Variants in PAN3 observed in about 807,000 individuals in gnomAD.
PAN3 encodes poly(A) specific ribonuclease subunit PAN3.
A neutral mutation model predicts 96.2 loss-of-function variants in PAN3; 19 were observed. That is an observed-to-expected ratio of 0.20 (90% CI 0.14 to 0.29). The LOEUF (loss-of-function observed/expected upper bound fraction) is 0.29, where lower values mean the gene tolerates loss of function less well. Among genes scored for constraint, PAN3 ranks in the 10% least tolerant of loss-of-function variants. The pLI is 1.00. For synonymous variants in PAN3, 433 were observed against 406.6 expected (o/e 1.06, Z -0.78); for missense variants, 882 against 1,108.1 (o/e 0.80, Z 2.90).
At chr13:28,285,579 A>T (rs1026306084) in intron 17 of PAN3, among the ~76,000 whole-genome samples, 61 of 152,150 alleles carry the variant, frequency 4.0e-4, no homozygotes, top group African/African-American at 1.3e-3. Context: ...CAGTTCTGGG[A>T]CATGGTCTTC....
chr13:28,141,162 G>A (rs1869752645), intron 1 of PAN3, among the ~76,000 whole-genome samples: 1 of 151,668 alleles, frequency 6.6e-6, no homozygotes, highest in Admixed American at 6.6e-5. Context: ...GCGCCACCAC[G>A]ACCGGCTTAT....
rs185033582 is a variant in PAN3, at chr13:28,229,572, G to A, written c.1000+9194G>A. On this transcript the variant is annotated intron_variant, in intron 6 of 18. Coordinates refer to ENST00000380958, the MANE Select transcript of PAN3 (RefSeq NM_175854.8). ...CTTAGATTTGTTATTCTTTCCACTGGTCTTCTGCTCCAATGAATTAGTTAT... is the reference window on the plus strand; with the variant it reads ...CTTAGATTTGTTATTCTTTCCACTGATCTTCTGCTCCAATGAATTAGTTAT... 2.1e-3 allele frequency among the ~76,000 whole-genome samples: 321 copies of A among 152,164 alleles called. 4 individuals carry two copies. Among genetic ancestry groups the A allele is most frequent in the Non-Finnish European group, 5.6e-4 (38 of 68,004 alleles).
intron 6 of PAN3, among the ~76,000 whole-genome samples, chr13:28,227,149 A>G (rs1882090893): frequency 1.3e-5 from 2 of 152,204 alleles, no homozygotes; most frequent in Admixed American, 6.5e-5. Flanking sequence ...CCTGCTGGCT[A>G]TATTCCCTTC....
intron 1 of PAN3, among the ~76,000 whole-genome samples, chr13:28,170,604 A>T (rs1004907125): frequency 2.2e-4 from 33 of 152,278 alleles, no homozygotes; most frequent in African/African-American, 7.9e-4. Flanking sequence ...AAACAATTTT[A>T]CTCTAGAATT....
chr13:28,213,129 A>G (rs1300844362), intron 5 of PAN3, among the ~76,000 whole-genome samples: 1 of 152,196 alleles, frequency 6.6e-6, no homozygotes, highest in Non-Finnish European at 1.5e-5. Context: ...GACCGGGGGA[A>G]GAAAAAAAAC....
intron 4 of PAN3, among the ~76,000 whole-genome samples, chr13:28,181,081 C>T (rs1246974809): frequency 6.6e-6 from 1 of 152,118 alleles, no homozygotes; most frequent in African/African-American, 2.4e-5. Flanking sequence ...AAAAGGTATG[C>T]TTGCTTACAG....
intron 6 of PAN3, among the ~76,000 whole-genome samples, chr13:28,231,030 CCAAGTTTGGGGA>C (rs1882504384): frequency 6.6e-6 from 1 of 152,118 alleles, no homozygotes; most frequent in African/African-American, 2.4e-5. Context: ...GATCATTTGG[CCAAGTTTGGGGA>C]CAAGCAGGTA....
chr13:28,208,961 A>ATTGG (rs1434491787), intron 5 of PAN3, among the ~76,000 whole-genome samples: 1 of 152,114 alleles, frequency 6.6e-6, no homozygotes, highest in Non-Finnish European at 1.5e-5. Context: ...ATTCTGTGGG[A>ATTGG]TTGGTTCTAG....
At chr13:28,190,370 A>G (rs955135078) in intron 4 of PAN3, among the ~76,000 whole-genome samples, 1 of 151,938 alleles carries the variant, frequency 6.6e-6, no homozygotes, top group African/African-American at 2.4e-5. Flanking sequence ...AGCCTCCTGA[A>G]TAGCTGGAAT....
At chr13:28,213,119 G>A (rs1449881188) in intron 5 of PAN3, among the ~76,000 whole-genome samples, 1 of 151,870 alleles carries the variant, frequency 6.6e-6, no homozygotes, top group Non-Finnish European at 1.5e-5. Flanking sequence ...ACCAATCATG[G>A]ACCGGGGGAA....
intron 5 of PAN3, chr13:28,214,439 G>T (rs1566193775): frequency 3.2e-5 from 7 of 217,418 alleles, no homozygotes; most frequent in Non-Finnish European, 3.6e-5. Context: ...CATGCTGAGT[G>T]AAAGAACCCA....
At chr13:28,215,004 C>T in intron 5 of PAN3, 1 of 1,279,350 alleles carries the variant, frequency 7.8e-7, no homozygotes, top group Non-Finnish European at 1.1e-6. Flanking sequence ...AACTTACAGC[C>T]AGAAGAGATA....
At position 28,220,188 on chromosome 13, in the gene PAN3, C is replaced by T. The variant is rs754549555; in HGVS notation, c.853-43C>T. On this transcript the variant is annotated intron_variant, in intron 5 of 18. Coordinates refer to ENST00000380958, the MANE Select transcript of PAN3 (RefSeq NM_175854.8). ...GCCTAGTAGATTCAATGTCTTTTTT[C>T]GGCTTAAAGTGTGTTAACTTACTAT... 17 of 1,557,820 alleles carry T rather than the reference C, an allele frequency of 1.1e-5. No homozygotes were observed. The East Asian group carries it at 1.1e-4, about 10-fold the overall frequency.
intron 4 of PAN3, among the ~76,000 whole-genome samples, chr13:28,192,347 C>G (rs1273056471): frequency 3.3e-5 from 5 of 152,200 alleles, no homozygotes. Context: ...GGATTATAGG[C>G]GTGAGCCACC....
intron 14 of PAN3, among the ~76,000 whole-genome samples, chr13:28,273,623 GT>G (rs1285221506): frequency 6.6e-6 from 1 of 151,978 alleles, no homozygotes; most frequent in Non-Finnish European, 1.5e-5. Flanking sequence ...GAGAATAGTT[GT>G]TTTTGCCTTG....
intron 1 of PAN3, among the ~76,000 whole-genome samples, chr13:28,144,621 C>T (rs1467758753): frequency 3.3e-5 from 5 of 151,498 alleles, no homozygotes; most frequent in African/African-American, 9.7e-5. Context: ...TTGATGAGAT[C>T]GGGCGTGTTC....
chr13:28,272,286 C>A (rs575666493), intron 14 of PAN3: 3 of 361,716 alleles, frequency 8.3e-6, no homozygotes, highest in Admixed American at 9.5e-5. Context: ...CCTTTCTATT[C>A]TTTTGCTTCT....
chr13:28,272,864 C>A (rs547672346), intron 14 of PAN3, among the ~76,000 whole-genome samples: 3 of 152,042 alleles, frequency 2.0e-5, no homozygotes, highest in African/African-American at 7.2e-5. Flanking sequence ...CCACTGTGCC[C>A]GGCCTCCTGA....
rs529494016 is a variant in PAN3, at chr13:28,185,484, T to C, written c.690+7549T>C. On this transcript the variant is annotated intron_variant, in intron 4 of 18. Transcript: ENST00000380958. ...CTGTACTTTATTTTAATTGGCACTT[T>C]GTGTGCAGCGACCATTTGTTTTTGT... Among the ~76,000 whole-genome samples the C allele has an allele frequency of 3.9e-5, 6 of 152,304 alleles. No homozygotes were observed. In the East Asian group the frequency reaches 5.8e-4, roughly 15 times the overall value.
Sources: allele counts gnomAD v4.1 joint callset (sites outside exome capture counted in the v4.1 genomes callset), GRCh38; gene constraint gnomAD v4.1.1; transcripts MANE v1.5; gene names NCBI Gene and HGNC (gene_info 2026-07-23, HGNC 2026-07-21).